SRFBP1: variants seen among roughly 807,000 people sequenced by gnomAD.
The protein encoded by SRFBP1 is serum response factor binding protein 1.
A neutral mutation model predicts 45.5 loss-of-function variants in SRFBP1; 47 were observed. The ratio of observed to expected loss-of-function variants is 1.03; its 90% CI spans 0.82 to 1.32. The LOEUF (loss-of-function observed/expected upper bound fraction) is 1.32. Ranked by LOEUF, SRFBP1 falls within the 40% of genes most tolerant of loss-of-function variation. The probability of loss-of-function intolerance (pLI) is 0.00; values close to 1 mark genes in which losing one functional copy is unlikely to be tolerated. For synonymous variants in SRFBP1, 203 were observed against 166.3 expected (o/e 1.22, Z -1.70); for missense variants, 621 against 484.6 (o/e 1.28, Z -2.64).
intron 2 of SRFBP1, among the ~76,000 whole-genome samples, chr5:122,060,181 G>A (rs1754148725): frequency 6.6e-6 from 1 of 152,058 alleles, no homozygotes; most frequent in Admixed American, 6.6e-5. Flanking sequence ...AGTTCTTTCT[G>A]GAGAGAAAGT....
intron 2 of SRFBP1, among the ~76,000 whole-genome samples, chr5:122,073,826 A>C (rs1754528504): frequency 6.6e-6 from 1 of 152,154 alleles, no homozygotes; most frequent in Non-Finnish European, 1.5e-5. Context: ...TATAAAAGAG[A>C]GGTGAGAGGA....
At position 122,070,281 on chromosome 5, in the gene SRFBP1, G is replaced by T. The variant is rs2303656; in HGVS notation, n.312-5034G>T. On this transcript the variant is annotated intron_variant and non_coding_transcript_variant, in intron 2 of 2. Transcript: ENST00000504881. Reference sequence around the variant, plus strand: ...AGGGAAGGGATTTTAACTTAAGTAAGTGGTTAAACTCTGGAGACGTTATGG... The same window carrying T: ...AGGGAAGGGATTTTAACTTAAGTAATTGGTTAAACTCTGGAGACGTTATGG... 8.2e-3 allele frequency: 5,795 copies of T among 709,362 alleles called. 176 individuals are homozygous for T. The highest frequency in any genetic ancestry group is 0.06 in the East Asian group (2,340 of 39,152). 43.9% of individuals were successfully genotyped at this position (709,362 alleles called of 1,614,324 possible). A position where few individuals can be genotyped will look rare whatever the true frequency, so the allele number is the denominator to read the frequency against.
chr5:122,027,921 C>T lies in SRFBP1; in HGVS notation c.*795C>T, dbSNP rs181201784. 61 of 152,082 alleles carry T rather than the reference C, an allele frequency of 4.0e-4. No homozygotes were observed. Among genetic ancestry groups the T allele is most frequent in the Admixed American group, 2.9e-3 (45 of 15,276 alleles). The allele number at this position is 152,082 out of a possible 1,614,324, so 9.4% of individuals were successfully genotyped here. A position where few individuals can be genotyped will look rare whatever the true frequency, so the allele number is the denominator to read the frequency against. On this transcript the variant is annotated 3_prime_UTR_variant, in exon 8 of 8. Coordinates refer to ENST00000339397, the MANE Select transcript of SRFBP1 (RefSeq NM_152546.3). ...CTGCATATAAATATTTCCATTAAAT[C>T]AAGAATGTATATTATCTAGTTTTTA...
chr5:122,077,455 G>A (rs1754670717), downstream of SRFBP1: 1 of 1,613,980 alleles, frequency 6.2e-7, no homozygotes, highest in Non-Finnish European at 8.5e-7. The surrounding 1 kb of genome is among the most constrained non-coding windows in gnomAD (Gnocchi z 4.9). Context: ...TGTCGTCAGA[G>A]TACTTGTAGG....
intron 2 of SRFBP1, chr5:122,070,361 G>C: frequency 1.5e-6 from 1 of 648,294 alleles, no homozygotes; most frequent in East Asian, 2.7e-5. Context: ...GATTAGATTA[G>C]ATTAGATTGT....
chr5:121,998,137 C>G (rs565516252), intron 4 of SRFBP1, among the ~76,000 whole-genome samples: 2 of 150,350 alleles, frequency 1.3e-5, no homozygotes, highest in African/African-American at 2.4e-5. Flanking sequence ...ACTAGAAATA[C>G]CATTTGACCC....
chr5:122,020,178 C>A lies in SRFBP1; in HGVS notation c.443C>A (p.Thr148Asn). 6.2e-7 allele frequency: 1 copy of A among 1,610,842 alleles called. No homozygotes were observed. The highest frequency in any genetic ancestry group is 1.1e-5 in the South Asian group (1 of 89,950). The change falls in exon 6 of 8, where the codon ACT becomes AAT. Residue 148 changes from threonine to asparagine, a missense_variant. Transcript: ENST00000339397. Reference sequence around the variant, plus strand: ...TCAGAGGACAATCATTCTGAGAATACTTTGTATTCAAATGATAATGGAAGT... The same window carrying A: ...TCAGAGGACAATCATTCTGAGAATAATTTGTATTCAAATGATAATGGAAGT... Reference protein sequence around the residue: ...NASEDNHSENTLYSNDNGSNL... With the variant: ...NASEDNHSENNLYSNDNGSNL...
At chr5:122,070,855 A>G in intron 2 of SRFBP1, 1 of 254,198 alleles carries the variant, frequency 3.9e-6, no homozygotes, top group Non-Finnish European at 7.4e-6. Flanking sequence ...TGCAATCTGA[A>G]GGAACAAAAT....
intron 4 of SRFBP1, among the ~76,000 whole-genome samples, chr5:122,014,404 A>T (rs1224373038): frequency 3.3e-5 from 5 of 152,124 alleles, no homozygotes; most frequent in Admixed American, 2.6e-4. Flanking sequence ...GCAGAGCTCC[A>T]ATTTGACAAC....
chr5:122,055,839 G>A (rs916203132), intron 2 of SRFBP1, among the ~76,000 whole-genome samples: 1 of 152,150 alleles, frequency 6.6e-6, no homozygotes, highest in African/African-American at 2.4e-5. Context: ...GTTGAAACCA[G>A]TGAAAGGAAG....
At chr5:121,981,153 G>T (rs1428084198) in intron 3 of SRFBP1, among the ~76,000 whole-genome samples, 1 of 151,974 alleles carries the variant, frequency 6.6e-6, no homozygotes, top group African/African-American at 2.4e-5. Flanking sequence ...GGGTTGGGGA[G>T]ATGGGGATGA....
intron 1 of SRFBP1, among the ~76,000 whole-genome samples, chr5:121,964,716 G>T (rs903357287): frequency 6.6e-6 from 1 of 152,148 alleles, no homozygotes; most frequent in African/African-American, 2.4e-5. Context: ...CCAATAATGG[G>T]ATTGCTGGGT....
At chr5:122,015,201 C>A (rs937826359) in intron 4 of SRFBP1, among the ~76,000 whole-genome samples, 1 of 152,102 alleles carries the variant, frequency 6.6e-6, no homozygotes, top group South Asian at 2.1e-4. Context: ...ACATACCAAC[C>A]TTCTGTAATT....
At chr5:122,078,731 G>T (rs1754715203), downstream of SRFBP1, among the ~76,000 whole-genome samples, 1 of 152,140 alleles carries the variant, frequency 6.6e-6, no homozygotes, top group African/African-American at 2.4e-5. Context: ...ATTTCCCAAC[G>T]CACACTCTCT....
intron 2 of SRFBP1, among the ~76,000 whole-genome samples, chr5:122,060,548 C>A (rs761629056): frequency 2.6e-5 from 4 of 151,988 alleles, no homozygotes; most frequent in African/African-American, 9.7e-5. Context: ...GTATCTACAA[C>A]GACTGGGTCA....
chr5:122,017,404 C>T (rs1246149316), intron 4 of SRFBP1, among the ~76,000 whole-genome samples: 1 of 152,146 alleles, frequency 6.6e-6, no homozygotes, highest in Non-Finnish European at 1.5e-5. Context: ...TTAGTGTTCA[C>T]GTAGTCTTTA....
chr5:121,998,362 G>C (rs1193090279), intron 4 of SRFBP1, among the ~76,000 whole-genome samples: 2 of 148,284 alleles, frequency 1.3e-5, no homozygotes, highest in East Asian at 4.0e-4. Flanking sequence ...CATGTCCTTT[G>C]TAGGGACATG....
At chr5:122,036,679 C>T (rs1338973136) in intron 2 of SRFBP1, among the ~76,000 whole-genome samples, 1 of 152,128 alleles carries the variant, frequency 6.6e-6, no homozygotes, top group Admixed American at 6.5e-5. Flanking sequence ...GTGAGCTTCC[C>T]TGGTTGACAA....
intron 1 of SRFBP1, among the ~76,000 whole-genome samples, chr5:121,962,334 C>T (rs1039709990): frequency 6.6e-6 from 1 of 152,210 alleles, no homozygotes; most frequent in East Asian, 1.9e-4. Flanking sequence ...GTTCAATATT[C>T]TCGTCTGTAA....
Sources: gnomAD v4.1 joint callset for allele counts (sites outside exome capture counted in the v4.1 genomes callset) on GRCh38, gnomAD v4.1.1 for gene constraint, Gnocchi (gnomAD v3.1) non-coding constraint, MANE v1.5 for transcripts, NCBI Gene and HGNC (gene_info 2026-07-23, HGNC 2026-07-21) for gene names.